Variants in SH2D4A observed in about 807,000 individuals in gnomAD.
SH2D4A encodes SH2 domain containing 4A.
SH2D4A carries 70 observed loss-of-function variants against 64.7 expected under a neutral mutation model. The ratio of observed to expected loss-of-function variants is 1.08; its 90% CI spans 0.89 to 1.32. The LOEUF (loss-of-function observed/expected upper bound fraction) is 1.32, where lower values mean the gene tolerates loss of function less well. Among genes scored for constraint, SH2D4A ranks in the 40% most tolerant of loss-of-function variants. The pLI, the probability that SH2D4A is intolerant of heterozygous loss-of-function variation, is 0.00. For missense variants in SH2D4A, 706 were observed against 540.1 expected (o/e 1.31, Z -3.04); for synonymous variants, 268 against 200.7 (o/e 1.34, Z -2.83).
chr8:19,362,810 A>C (rs903635105), intron 6 of SH2D4A, among the ~76,000 whole-genome samples: 6 of 152,008 alleles, frequency 3.9e-5, no homozygotes, highest in Non-Finnish European at 7.4e-5. Context: ...TAATAATAAA[A>C]CCCCAAAATA....
intron 8 of SH2D4A, among the ~76,000 whole-genome samples, chr8:19,382,972 T>C (rs369316986): frequency 6.6e-6 from 1 of 151,718 alleles, no homozygotes; most frequent in South Asian, 2.1e-4. Flanking sequence ...GTTGGGACTA[T>C]AGGCACTTGC....
intron 4 of SH2D4A, among the ~76,000 whole-genome samples, chr8:19,346,877 A>G (rs992796746): frequency 6.6e-6 from 1 of 152,214 alleles, no homozygotes; most frequent in African/African-American, 2.4e-5. Flanking sequence ...ATGTAGAGCA[A>G]TAAAAGATAT....
intron 8 of SH2D4A, among the ~76,000 whole-genome samples, chr8:19,376,202 T>G (rs1157440031): frequency 6.6e-6 from 1 of 152,166 alleles, no homozygotes; most frequent in Non-Finnish European, 1.5e-5. Context: ...AAATGCCCCC[T>G]GCTGGCAGCA....
intron 6 of SH2D4A, among the ~76,000 whole-genome samples, chr8:19,362,800 T>A (rs1349293485): frequency 3.3e-5 from 5 of 151,854 alleles, no homozygotes; most frequent in Non-Finnish European, 5.9e-5. Context: ...AACCAAAAAA[T>A]AATAATAAAA....
intron 8 of SH2D4A, among the ~76,000 whole-genome samples, chr8:19,390,232 T>A (rs1282256815): frequency 6.6e-6 from 1 of 152,048 alleles, no homozygotes; most frequent in African/African-American, 2.4e-5. Context: ...AATACAAAAA[T>A]TAGCTGGGCA....
In SH2D4A at chr8:19,361,226, A is replaced by C. The variant is rs773949540; in HGVS notation, c.618A>C (p.Lys206Asn). The part of the protein sequence containing the change: ...FHQKKESMKK[K>N]QDEEINQIEE... ...AGAAGAAAGAATCTATGAAGAAAAA[A>C]CAAGATGAAGAAATAAATCAAATAG... The change falls in exon 6 of 10, where the codon AAA (lysine) becomes AAC (asparagine). Residue 206 changes from lysine (K) to asparagine (N), a missense_variant. Coordinates refer to ENST00000265807, the MANE Select transcript of SH2D4A (RefSeq NM_022071.4). The C allele has an allele frequency of 3.8e-6, 6 of 1,561,504 alleles. No individual in the cohort carries two copies. The highest frequency in any genetic ancestry group is 5.3e-6 in the Non-Finnish European group (6 of 1,139,394).
chr8:19,384,878 C>T (rs1379553349), intron 8 of SH2D4A, among the ~76,000 whole-genome samples: 1 of 152,124 alleles, frequency 6.6e-6, no homozygotes, highest in Non-Finnish European at 1.5e-5. Flanking sequence ...CTGGCAGGGA[C>T]TGGGAGTGGG....
intron 1 of SH2D4A, 42 bp downstream of exon 1, chr8:19,313,865 G>T (rs2272000): frequency 0.17 from 241,816 of 1,435,142 alleles, 21,585 homozygotes; most frequent in East Asian, 0.31. Context: ...GAGAGTGTGC[G>T]TGGGGTGGGA....
intron 8 of SH2D4A, among the ~76,000 whole-genome samples, chr8:19,376,448 C>A (rs978241406): frequency 1.3e-5 from 2 of 150,398 alleles, no homozygotes; most frequent in African/African-American, 4.8e-5. Flanking sequence ...GGGGCAAAAC[C>A]CAATCTCTAC....
chr8:19,385,492 C>T (rs1026091328), intron 8 of SH2D4A, among the ~76,000 whole-genome samples: 5 of 152,220 alleles, frequency 3.3e-5, no homozygotes, highest in East Asian at 1.9e-4. Context: ...TGAGCCACCA[C>T]GCCTGGCCAC....
At chr8:19,321,961 C>CT (rs1342086976) in intron 2 of SH2D4A, among the ~76,000 whole-genome samples, 2 of 152,156 alleles carry the variant, frequency 1.3e-5, no homozygotes, top group Non-Finnish European at 2.9e-5. Flanking sequence ...CTCAGAAACC[C>CT]TGTGTTAACT....
chr8:19,360,042 T>C (rs1296612698), intron 5 of SH2D4A, among the ~76,000 whole-genome samples: 1 of 152,162 alleles, frequency 6.6e-6, no homozygotes, highest in African/African-American at 2.4e-5. Flanking sequence ...ACTCAGAAGG[T>C]TGTGTCCAAA....
At chr8:19,335,287 C>G (rs1409711318) in intron 4 of SH2D4A, among the ~76,000 whole-genome samples, 2 of 151,618 alleles carry the variant, frequency 1.3e-5, no homozygotes, top group South Asian at 4.2e-4. Flanking sequence ...CAGAGCGAGA[C>G]TCCATCTCAA....
At chr8:19,358,150 A>T (rs1377128672) in intron 5 of SH2D4A, among the ~76,000 whole-genome samples, 2 of 152,252 alleles carry the variant, frequency 1.3e-5, no homozygotes, top group Non-Finnish European at 2.9e-5. Context: ...GGACATTTTC[A>T]TTAATTCTGC....
At chr8:19,343,820 T>C (rs2052567949) in intron 4 of SH2D4A, among the ~76,000 whole-genome samples, 1 of 152,136 alleles carries the variant, frequency 6.6e-6, no homozygotes, top group South Asian at 2.1e-4. Flanking sequence ...AGAGCAGCAG[T>C]GAGTGCTCTG....
At chr8:19,364,506 A>G (rs1179087931) in intron 7 of SH2D4A, among the ~76,000 whole-genome samples, 2 of 152,028 alleles carry the variant, frequency 1.3e-5, no homozygotes, top group Admixed American at 6.6e-5. Flanking sequence ...TACTTAGTAT[A>G]CCCAGTGAAA....
chr8:19,356,856 A>T (rs1177206983), intron 4 of SH2D4A, among the ~76,000 whole-genome samples: 1 of 152,264 alleles, frequency 6.6e-6, no homozygotes, highest in African/African-American at 2.4e-5. Flanking sequence ...GTATGCAGAG[A>T]TTAAGCAAGA....
At chr8:19,360,037 G>C (rs2052855766) in intron 5 of SH2D4A, among the ~76,000 whole-genome samples, 1 of 152,188 alleles carries the variant, frequency 6.6e-6, no homozygotes, top group South Asian at 2.1e-4. Context: ...TGAGCACTCA[G>C]AAGGTTGTGT....
rs1563217104 is a variant in SH2D4A, at chr8:19,393,408, G to T, written c.1139G>T (p.Gly380Val). The change falls in exon 9 of 10, where the codon GGC (glycine) becomes GTC (valine). Residue 380 changes from glycine to valine, a missense_variant. Coordinates refer to ENST00000265807, the MANE Select transcript of SH2D4A (RefSeq NM_022071.4). ...ATCCGAGTCAGTGAAAGGATCAAAGGCTATGCCCTGTCCTATCTGTCGGAG... is the reference window on the plus strand; with the variant it reads ...ATCCGAGTCAGTGAAAGGATCAAAGTCTATGCCCTGTCCTATCTGTCGGAG... ...FLIRVSERIK[G>V]YALSYLSEDG... The T allele has an allele frequency of 6.2e-7, 1 of 1,614,226 alleles. No homozygotes were observed. The highest frequency in any genetic ancestry group is 2.2e-5 in the East Asian group (1 of 44,880).
Sources: allele counts gnomAD v4.1 joint callset (sites outside exome capture counted in the v4.1 genomes callset), GRCh38; gene constraint gnomAD v4.1.1; transcripts MANE v1.5; gene names NCBI Gene and HGNC (gene_info 2026-07-23, HGNC 2026-07-21).